Variants in GVQW3 observed in about 807,000 individuals in gnomAD.
GVQW3 encodes the protein protein GVQW3.
GVQW3 carries 7 observed loss-of-function variants against 12.5 expected under a neutral mutation model. That is an observed-to-expected ratio of 0.56 (90% CI 0.32 to 1.05). The LOEUF is 1.05. GVQW3 is among the 50% of genes least tolerant of loss of function. The pLI is 0.04. For missense variants in GVQW3, 188 were observed against 190.8 expected, an observed-to-expected ratio of 0.99 and a Z score of 0.09; for synonymous variants, 71 against 67.2, an observed-to-expected ratio of 1.06 and a Z score of -0.28.
chr11:76,384,357 C>T (rs912083801), intron 1 of GVQW3, among the ~76,000 whole-genome samples: 7 of 152,180 alleles, frequency 4.6e-5, no homozygotes, highest in African/African-American at 1.4e-4. Context: ...GAGTCTTGCT[C>T]TGCTGCCCAG....
intron 1 of GVQW3, among the ~76,000 whole-genome samples, chr11:76,389,123 T>A (rs1221593191): frequency 6.6e-6 from 1 of 152,250 alleles, no homozygotes; most frequent in East Asian, 1.9e-4. Flanking sequence ...TAGACTGTTG[T>A]GCCATCATTA....
In GVQW3 at chr11:76,406,457, ACTC is replaced by A. The variant is rs2134567202; in HGVS notation, c.*2703_*2705del. The A allele has an allele frequency of 6.6e-6, 1 of 151,270 alleles. No homozygotes were observed. Among genetic ancestry groups the A allele is most frequent in the African/African-American group, 2.4e-5 (1 of 41,128 alleles). The allele number at this position is 151,270 out of a possible 1,614,324, so 9.4% of individuals were successfully genotyped here. Reference sequence around the variant, plus strand: ...TCTGATGATGCCACTACTGCCCAGAACTCCTCTGGGACTCTTTGCAAGTTGCAA... The same window carrying A: ...TCTGATGATGCCACTACTGCCCAGAACTCTGGGACTCTTTGCAAGTTGCAA... On this transcript the variant is annotated 3_prime_UTR_variant, in exon 2 of 2. Transcript: ENST00000529331.
At chr11:76,402,788 C>G (rs1947003593) in intron 1 of GVQW3, among the ~76,000 whole-genome samples, 1 of 151,352 alleles carries the variant, frequency 6.6e-6, no homozygotes, top group African/African-American at 2.4e-5. Context: ...GTGCAATCAC[C>G]CAGGCTCAAT....
chr11:76,399,862 C>T (rs1370453931), intron 1 of GVQW3, among the ~76,000 whole-genome samples: 1 of 152,034 alleles, frequency 6.6e-6, no homozygotes, highest in African/African-American at 2.4e-5. Context: ...TTTCCTCAGG[C>T]CTCTGGACTC....
At chr11:76,386,902 G>A (rs1292137263) in intron 1 of GVQW3, among the ~76,000 whole-genome samples, 1 of 151,984 alleles carries the variant, frequency 6.6e-6, no homozygotes, top group East Asian at 1.9e-4. Context: ...AGCTCCAGTG[G>A]GTCCCCTCCA....
intron 1 of GVQW3, among the ~76,000 whole-genome samples, chr11:76,400,621 A>G: frequency 6.8e-6 from 1 of 146,078 alleles, no homozygotes; most frequent in East Asian, 2.1e-4. Flanking sequence ...GAGTTTCACC[A>G]TTTGGCCAGA....
At chr11:76,382,501 C>T (rs193046011) in intron 1 of GVQW3, 66 of 619,108 alleles carry the variant, frequency 1.1e-4, no homozygotes, top group Middle Eastern at 3.8e-4. Flanking sequence ...AGGATGCTGC[C>T]TCACTGTTAG....
intron 1 of GVQW3, among the ~76,000 whole-genome samples, chr11:76,396,648 T>A (rs1441262816): frequency 6.6e-6 from 1 of 152,130 alleles, no homozygotes; most frequent in Non-Finnish European, 1.5e-5. Context: ...AGTGTTTATT[T>A]AGATTTATAA....
intron 1 of GVQW3, among the ~76,000 whole-genome samples, chr11:76,389,416 A>C (rs1377425497): frequency 6.6e-6 from 1 of 152,212 alleles, no homozygotes; most frequent in Non-Finnish European, 1.5e-5. Flanking sequence ...TCCATGAACA[A>C]TTAACTGGCT....
downstream of GVQW3, chr11:76,412,014 A>T (rs1314977407): frequency 1.3e-5 from 2 of 152,232 alleles, no homozygotes; most frequent in Non-Finnish European, 2.9e-5. Context: ...AAATGGACAT[A>T]AAAACCAATT....
chr11:76,390,917 G>T (rs568124416), intron 1 of GVQW3, among the ~76,000 whole-genome samples: 1 of 152,100 alleles, frequency 6.6e-6, no homozygotes, highest in African/African-American at 2.4e-5. Flanking sequence ...TGTATACGAG[G>T]CACACAGCAC....
intron 1 of GVQW3, chr11:76,389,906 G>A (rs141238213): frequency 3.3e-5 from 5 of 152,252 alleles, no homozygotes; most frequent in Non-Finnish European, 7.4e-5. Flanking sequence ...CACACATATC[G>A]TTAGTCATCT....
At chr11:76,389,273 A>G (rs1446641833) in intron 1 of GVQW3, among the ~76,000 whole-genome samples, 1 of 152,266 alleles carries the variant, frequency 6.6e-6, no homozygotes, top group African/African-American at 2.4e-5. Context: ...AACTCTGGGT[A>G]GTTGGATTAT....
At chr11:76,402,686 A>G (rs1363844059) in intron 1 of GVQW3, among the ~76,000 whole-genome samples, 2 of 152,142 alleles carry the variant, frequency 1.3e-5, no homozygotes, top group African/African-American at 4.8e-5. Flanking sequence ...AGAAACAATA[A>G]TTCTGTCAAG....
chr11:76,382,729 T>C (rs575362768), intron 1 of GVQW3: 1 of 364,214 alleles, frequency 2.7e-6, no homozygotes, highest in African/African-American at 2.1e-5. Flanking sequence ...CCTTAGCTTG[T>C]TGTGGCTGTC....
chr11:76,397,892 T>C lies in GVQW3; in HGVS notation c.466-5768T>C, dbSNP rs139770607. ...GCTTATGCCTGTAATTCCAGCACTT[T>C]GGGAGGCTGAGGCGGGTGGATCATC... On this transcript the variant is annotated intron_variant, in intron 1 of 1. Transcript: ENST00000529331. 7.4e-3 allele frequency among the ~76,000 whole-genome samples: 1,132 copies of C among 152,262 alleles called. 7 individuals carry two copies. Among genetic ancestry groups the C allele is most frequent in the Non-Finnish European group, 0.012 (800 of 68,012 alleles).
At chr11:76,393,227 G>A (rs1946909415) in intron 1 of GVQW3, among the ~76,000 whole-genome samples, 1 of 152,062 alleles carries the variant, frequency 6.6e-6, no homozygotes, top group South Asian at 2.1e-4. Flanking sequence ...ACAATTAGGG[G>A]ACTGTATATT....
At chr11:76,396,228 T>C (rs1345196521) in intron 1 of GVQW3, among the ~76,000 whole-genome samples, 1 of 152,154 alleles carries the variant, frequency 6.6e-6, no homozygotes, top group Non-Finnish European at 1.5e-5. Flanking sequence ...GCTGTCAATA[T>C]TGCATTATTT....
chr11:76,409,377 A>C (rs1199636435), downstream of GVQW3, among the ~76,000 whole-genome samples: 1 of 152,204 alleles, frequency 6.6e-6, no homozygotes, highest in Non-Finnish European at 1.5e-5. Context: ...TAGGGGAAGA[A>C]CTTTCTATAC....
Sources: gnomAD v4.1 joint callset for allele counts (sites outside exome capture counted in the v4.1 genomes callset) on GRCh38, gnomAD v4.1.1 for gene constraint, MANE v1.5 for transcripts, NCBI Gene and HGNC (gene_info 2026-07-23, HGNC 2026-07-21) for gene names.